KCNK9: variants seen among roughly 807,000 people sequenced by gnomAD.
KCNK9 encodes potassium channel subfamily K member 9.
KCNK9 carries 1 observed loss-of-function variant against 10.8 expected under a neutral mutation model. The ratio of observed to expected loss-of-function variants is 0.09; its 90% CI spans 0.03 to 0.44. KCNK9 has a LOEUF of 0.44. KCNK9 is among the 20% of genes least tolerant of loss of function. The pLI is 0.97. For missense variants in KCNK9, 303 were observed against 515.0 expected, an observed-to-expected ratio of 0.59 and a Z score of 3.98; for synonymous variants, 231 against 222.7, an observed-to-expected ratio of 1.04 and a Z score of -0.33.
rs1411155524 is a variant in KCNK9 at position 139,702,550 on chromosome 8, A to G, written c.283+160T>C. On this transcript the variant is annotated intron_variant, in intron 1 of 1. Coordinates refer to ENST00000520439, the MANE Select transcript of KCNK9 (RefSeq NM_001282534.2). The surrounding 1 kb of genome is among the most constrained non-coding windows in gnomAD (Gnocchi z 7.5). The stretch of plus-strand genomic sequence containing the variant: ...AGGGTGAGGCTCGGAGGCGCCGCGG[A>G]GGGGGGGCTCCCTAGAGAGGAGGGG... Among the ~76,000 whole-genome samples, 1 of 151,692 alleles carries G rather than the reference A, an allele frequency of 6.6e-6. No homozygotes were observed. Among genetic ancestry groups the G allele is most frequent in the Non-Finnish European group, 1.5e-5 (1 of 67,872 alleles).
chr8:139,675,953 G>T (rs1026984959), intron 1 of KCNK9, among the ~76,000 whole-genome samples: 1 of 149,578 alleles, frequency 6.7e-6, no homozygotes, highest in Non-Finnish European at 1.5e-5. Flanking sequence ...ATGGAATGTG[G>T]GCAGAAATAA....
At chr8:139,699,368 A>G (rs1817142150) in intron 1 of KCNK9, among the ~76,000 whole-genome samples, 1 of 152,078 alleles carries the variant, frequency 6.6e-6, no homozygotes, top group African/African-American at 2.4e-5. Flanking sequence ...CCCTGTCCAG[A>G]CCCTGGCCCA....
intron 1 of KCNK9, among the ~76,000 whole-genome samples, chr8:139,698,349 C>T (rs1280123984): frequency 6.6e-6 from 1 of 152,134 alleles, no homozygotes; most frequent in Admixed American, 6.5e-5. Context: ...TTGTGCTGGC[C>T]CTGCAGGTGC....
chr8:139,685,610 A>T (rs565640767), intron 1 of KCNK9, among the ~76,000 whole-genome samples: 2 of 152,182 alleles, frequency 1.3e-5, no homozygotes, highest in East Asian at 3.9e-4. Flanking sequence ...AAGGACACGA[A>T]CTCATAGTTT....
chr8:139,683,603 G>A (rs1816734962), intron 1 of KCNK9, among the ~76,000 whole-genome samples: 2 of 152,252 alleles, frequency 1.3e-5, no homozygotes, highest in African/African-American at 4.8e-5. Flanking sequence ...GTCTGCCCGA[G>A]GGGTTGGAGT....
chr8:139,622,789 C>T (rs1017916694), intron 1 of KCNK9, among the ~76,000 whole-genome samples: 2 of 152,130 alleles, frequency 1.3e-5, no homozygotes, highest in Admixed American at 6.5e-5. Context: ...AACAGGCCTG[C>T]GAATATTAAG....
chr8:139,625,187 T>A (rs1297029395), intron 1 of KCNK9, among the ~76,000 whole-genome samples: 1 of 152,088 alleles, frequency 6.6e-6, no homozygotes, highest in Non-Finnish European at 1.5e-5. Context: ...AGTGCCCATG[T>A]GGATCTGTAG....
chr8:139,651,331 C>T (rs1054558641), intron 1 of KCNK9, among the ~76,000 whole-genome samples: 8 of 152,204 alleles, frequency 5.3e-5, no homozygotes, highest in Admixed American at 1.3e-4. Flanking sequence ...TTCTTGGTAC[C>T]GGTGGAGGCT....
chr8:139,677,549 G>A (rs1816575900), intron 1 of KCNK9, among the ~76,000 whole-genome samples: 1 of 137,400 alleles, frequency 7.3e-6, no homozygotes, highest in Non-Finnish European at 1.6e-5. Context: ...GTGAGAAAGT[G>A]GATTGGACAC....
chr8:139,605,122 G>A (rs1210851131), intron 2 of KCNK9, among the ~76,000 whole-genome samples: 1 of 152,216 alleles, frequency 6.6e-6, no homozygotes, highest in East Asian at 1.9e-4. Context: ...AAAGAACACT[G>A]AGCACCTGCT....
chr8:139,626,283 G>T (rs1047549796), intron 1 of KCNK9, among the ~76,000 whole-genome samples: 33 of 152,190 alleles, frequency 2.2e-4, no homozygotes, highest in African/African-American at 7.7e-4. Flanking sequence ...TAAAACCTCT[G>T]CCCTCCACTG....
In KCNK9 at chr8:139,624,021, C is replaced by T. The variant is rs114760100; in HGVS notation, c.284-4922G>A. On this transcript the variant is annotated intron_variant, in intron 1 of 1. Coordinates refer to ENST00000520439, the MANE Select transcript of KCNK9 (RefSeq NM_001282534.2). ...GAGGCCACATCATCCTTACCTAACC[C>T]GATGCCTGGCACCCCCTACAGGCAC... is the stretch of plus-strand genomic sequence containing the variant. Among the ~76,000 whole-genome samples, 1,094 of 152,262 alleles carry T rather than the reference C, an allele frequency of 7.2e-3. 13 individuals carry two copies. Among genetic ancestry groups the T allele is most frequent in the African/African-American group, 0.025 (1,051 of 41,528 alleles).
chr8:139,700,378 A>G (rs1288752109), intron 1 of KCNK9, among the ~76,000 whole-genome samples: 2 of 152,120 alleles, frequency 1.3e-5, no homozygotes, highest in African/African-American at 4.8e-5. Context: ...TCTTTACACT[A>G]TGGCCGAATT....
At chr8:139,622,885 T>C (rs1275499824) in intron 1 of KCNK9, among the ~76,000 whole-genome samples, 1 of 152,188 alleles carries the variant, frequency 6.6e-6, no homozygotes, top group Non-Finnish European at 1.5e-5. Context: ...CAGTGTACAC[T>C]TGGAACCTAA....
chr8:139,648,855 G>A (rs1815770066), intron 1 of KCNK9, among the ~76,000 whole-genome samples: 1 of 152,208 alleles, frequency 6.6e-6, no homozygotes, highest in African/African-American at 2.4e-5. Flanking sequence ...TGGATGGGGT[G>A]TCATTCCCAT....
intron 1 of KCNK9, among the ~76,000 whole-genome samples, chr8:139,673,291 G>T (rs1268469019): frequency 6.6e-6 from 1 of 152,182 alleles, no homozygotes; most frequent in Non-Finnish European, 1.5e-5. Context: ...AGATGGCTGC[G>T]CATATCTGTG....
rs1817234789 is a variant in KCNK9 at position 139,702,152 on chromosome 8, G to A, written c.283+558C>T. Among the ~76,000 whole-genome samples, 1 of 152,174 alleles carries A rather than the reference G, an allele frequency of 6.6e-6. No individual in the cohort carries two copies. Among genetic ancestry groups the A allele is most frequent in the African/African-American group, 2.4e-5 (1 of 41,428 alleles). ...AACTGGAACTCAGGGGAAAAAAGGA[G>A]CCGGGCGGGGGGAAGAGAGATGAAA... On this transcript the variant is annotated intron_variant, in intron 1 of 1. Coordinates refer to ENST00000520439, the MANE Select transcript of KCNK9 (RefSeq NM_001282534.2). The surrounding 1 kb of genome is among the most constrained non-coding windows in gnomAD (Gnocchi z 7.5).
downstream of KCNK9, among the ~76,000 whole-genome samples, chr8:139,614,702 C>T (rs1309955062): frequency 6.6e-6 from 1 of 152,212 alleles, no homozygotes; most frequent in African/African-American, 2.4e-5. Flanking sequence ...CAGCACTTTC[C>T]ACCCAGGATG....
rs1314168451 is a variant in KCNK9, at chr8:139,693,636, G to A, written c.283+9074C>T. ...AAACTGAGTAGCACAGTGGGCTGGG[G>A]AGCAAAGAAACAAGTCCTTTGCTCA... On this transcript the variant is annotated intron_variant, in intron 1 of 1. Coordinates refer to ENST00000520439, the MANE Select transcript of KCNK9 (RefSeq NM_001282534.2). The surrounding 1 kb of genome is among the most constrained non-coding windows in gnomAD (Gnocchi z 4.1). Among the ~76,000 whole-genome samples the A allele has an allele frequency of 6.6e-6, 1 of 152,168 alleles. No homozygotes were observed. Among genetic ancestry groups the A allele is most frequent in the East Asian group, 1.9e-4 (1 of 5,180 alleles).
Sources: allele counts gnomAD v4.1 joint callset (sites outside exome capture counted in the v4.1 genomes callset), GRCh38; gene constraint gnomAD v4.1.1; non-coding constraint Gnocchi (gnomAD v3.1); transcripts MANE v1.5; gene names NCBI Gene and HGNC (gene_info 2026-07-23, HGNC 2026-07-21).